The following ODAD2 variants were observed in gnomAD, a reference collection of about 807,000 sequenced individuals.
ODAD2 encodes outer dynein arm docking complex subunit 2.
A neutral mutation model predicts 106.8 loss-of-function variants in ODAD2; 89 were observed. The observed-to-expected ratio is 0.83, with a 90% CI of 0.70 to 0.99. The LOEUF (loss-of-function observed/expected upper bound fraction) is 0.99. ODAD2 is among the 50% of genes least tolerant of loss of function. The probability of loss-of-function intolerance (pLI) is 0.00; values close to 1 mark genes in which losing one functional copy is unlikely to be tolerated. For missense variants in ODAD2, 1,168 were observed against 1,238.5 expected, an observed-to-expected ratio of 0.94 and a Z score of 0.85; for synonymous variants, 404 against 436.2, an observed-to-expected ratio of 0.93 and a Z score of 0.92.
chr10:27,893,117 C>A (rs1842663099), intron 17 of ODAD2, among the ~76,000 whole-genome samples: 1 of 151,788 alleles, frequency 6.6e-6, no homozygotes, highest in African/African-American at 2.4e-5. Flanking sequence ...CAAGATCACA[C>A]TACTGCCCTC....
rs770628809 is a variant in ODAD2, at chr10:27,940,657, G to GCTT, written c.1889_1891dup (p.Lys630_Ala631insGlu). On this transcript the variant is annotated inframe_insertion, in exon 13 of 20. Coordinates refer to ENST00000305242, the MANE Select transcript of ODAD2 (RefSeq NM_018076.5). The stretch of plus-strand genomic sequence containing the variant: ...CCGAGCCAACAGAGGAATGCCCCCA[G>GCTT]CTTTGCGGATGGCTTCTTTATTCGT... 6.2e-7 allele frequency: 1 copy of GCTT among 1,614,094 alleles called. No homozygotes were observed. The highest frequency in any genetic ancestry group is 8.5e-7 in the Non-Finnish European group (1 of 1,179,994).
chr10:27,924,678 C>T (rs1845131817), intron 16 of ODAD2, among the ~76,000 whole-genome samples: 1 of 46,600 alleles, frequency 2.1e-5, no homozygotes, highest in Non-Finnish European at 4.7e-5. Flanking sequence ...TTTAAAATGA[C>T]AAGGAAAAAA....
intron 16 of ODAD2, among the ~76,000 whole-genome samples, chr10:27,909,389 C>T (rs1843829411): frequency 6.6e-6 from 1 of 152,118 alleles, no homozygotes; most frequent in African/African-American, 2.4e-5. Flanking sequence ...CAAAATTTCA[C>T]AATTAACTAT....
intron 19 of ODAD2, among the ~76,000 whole-genome samples, chr10:27,857,331 C>G (rs754318548): frequency 9.9e-5 from 15 of 152,104 alleles, no homozygotes; most frequent in Non-Finnish European, 1.9e-4. Flanking sequence ...ATATAACATA[C>G]GAAATATGTA....
At chr10:27,963,648 A>AAGAC (rs202158969) in intron 9 of ODAD2, among the ~76,000 whole-genome samples, 3,889 of 152,196 alleles carry the variant, frequency 0.026, 152 homozygotes, top group African/African-American at 0.079. Context: ...ATAATAGACT[A>AAGAC]TTTATGGTCT....
intron 10 of ODAD2, among the ~76,000 whole-genome samples, chr10:27,953,685 A>C (rs1847523593): frequency 6.6e-6 from 1 of 152,236 alleles, no homozygotes; most frequent in African/African-American, 2.4e-5. Context: ...ATGTAGAATA[A>C]GAAATAGTAG....
intron 17 of ODAD2, among the ~76,000 whole-genome samples, chr10:27,882,233 G>T (rs189700433): frequency 4.3e-4 from 63 of 145,354 alleles, no homozygotes; most frequent in South Asian, 2.2e-3. Context: ...AAGAAAGAAA[G>T]AAATATGAAC....
At chr10:27,850,780 C>A (rs970804598) in intron 19 of ODAD2, among the ~76,000 whole-genome samples, 1 of 152,060 alleles carries the variant, frequency 6.6e-6, no homozygotes, top group Non-Finnish European at 1.5e-5. Context: ...GGAAATCAGA[C>A]AACAAAAGAC....
chr10:27,840,313 G>A (rs1362376865), intron 19 of ODAD2, among the ~76,000 whole-genome samples: 4 of 152,164 alleles, frequency 2.6e-5, no homozygotes, highest in Admixed American at 6.5e-5. Flanking sequence ...TGTGACAAAA[G>A]ATAGTGAATA....
chr10:27,992,914 T>TAA (rs534547288), intron 2 of ODAD2, among the ~76,000 whole-genome samples: 1 of 152,124 alleles, frequency 6.6e-6, no homozygotes, highest in African/African-American at 2.4e-5. Flanking sequence ...TGCATTTTTA[T>TAA]AAAAAAATAT....
intron 17 of ODAD2, among the ~76,000 whole-genome samples, chr10:27,885,522 A>T (rs112657266): frequency 2.3e-4 from 4 of 17,288 alleles, no homozygotes; most frequent in Non-Finnish European, 3.8e-4. Context: ...AAAAAAAAAA[A>T]AAAAAAAAAA....
At chr10:27,909,913 A>G (rs1427733134) in intron 16 of ODAD2, among the ~76,000 whole-genome samples, 3 of 151,752 alleles carry the variant, frequency 2.0e-5, no homozygotes, top group Non-Finnish European at 4.4e-5. Flanking sequence ...CAACCATAGG[A>G]ACTAACAAAG....
chr10:27,924,025 G>GAGA (rs1564509522), intron 16 of ODAD2, among the ~76,000 whole-genome samples: 1 of 59,924 alleles, frequency 1.7e-5, no homozygotes, highest in African/African-American at 6.2e-5. Flanking sequence ...AAAGAAAGAA[G>GAGA]GAAAGAGAAA....
intron 16 of ODAD2, among the ~76,000 whole-genome samples, chr10:27,930,872 T>G (rs1032934592): frequency 2.0e-5 from 3 of 152,200 alleles, no homozygotes; most frequent in Non-Finnish European, 2.9e-5. Context: ...TGGTTTACTC[T>G]AAATCTCTAA....
Position 27,868,613 on chromosome 10 carries a change from T to C in ODAD2, c.2611-5991A>G, listed in dbSNP as rs554102235. ...ACCAAACAACACGTGTTCTCACTCA[T>C]AAGTGGGAGCTGAACAATGAGAACA... On this transcript the variant is annotated intron_variant, in intron 17 of 19. Transcript: ENST00000305242. Among the ~76,000 whole-genome samples, 3 of 152,206 alleles carry C rather than the reference T, an allele frequency of 2.0e-5. No homozygotes were observed. The East Asian group carries it at 5.8e-4, about 29-fold the overall frequency.
chr10:27,922,439 C>T (rs1178265420), intron 16 of ODAD2, among the ~76,000 whole-genome samples: 1 of 151,590 alleles, frequency 6.6e-6, no homozygotes, highest in African/African-American at 2.4e-5. Context: ...AAAACAAAGG[C>T]AGGGTCAATG....
chr10:27,967,751 T>C (rs1848576268), intron 9 of ODAD2, among the ~76,000 whole-genome samples: 1 of 151,136 alleles, frequency 6.6e-6, no homozygotes, highest in African/African-American at 2.4e-5. Context: ...ATTAGCTGAG[T>C]GTGGTAGCGC....
intron 16 of ODAD2, among the ~76,000 whole-genome samples, chr10:27,914,520 T>C (rs74801222): frequency 0.021 from 3,197 of 152,208 alleles, 87 homozygotes; most frequent in African/African-American, 0.064. Context: ...CATTATTCTA[T>C]GAAAAAGAGC....
At chr10:27,833,843 A>G (rs949277219) in intron 19 of ODAD2, among the ~76,000 whole-genome samples, 14 of 152,246 alleles carry the variant, frequency 9.2e-5, no homozygotes, top group African/African-American at 3.4e-4. Context: ...TACAGACAGC[A>G]AGGTAAAGGT....
Sources: gnomAD v4.1 joint callset for allele counts (sites outside exome capture counted in the v4.1 genomes callset) on GRCh38, gnomAD v4.1.1 for gene constraint, MANE v1.5 for transcripts, NCBI Gene and HGNC (gene_info 2026-07-23, HGNC 2026-07-21) for gene names.